SRBD1: variants seen among roughly 807,000 people sequenced by gnomAD.
The protein encoded by SRBD1 is S1 RNA binding domain 1.
A neutral mutation model predicts 115.3 loss-of-function variants in SRBD1; 88 were observed. The ratio of observed to expected loss-of-function variants is 0.76; its 90% CI spans 0.64 to 0.91. SRBD1 has a LOEUF of 0.91. Among genes scored for constraint, SRBD1 ranks in the 40% least tolerant of loss-of-function variants. The probability of loss-of-function intolerance (pLI) is 0.00; values close to 1 mark genes in which losing one functional copy is unlikely to be tolerated. For missense variants in SRBD1, 1,385 were observed against 1,177.4 expected, an observed-to-expected ratio of 1.18 and a Z score of -2.58; for synonymous variants, 509 against 407.7, an observed-to-expected ratio of 1.25 and a Z score of -2.99.
intron 10 of SRBD1, among the ~76,000 whole-genome samples, chr2:45,555,848 G>C (rs997266824): frequency 6.6e-6 from 1 of 151,968 alleles, no homozygotes; most frequent in African/African-American, 2.4e-5. Flanking sequence ...AGTCTGTTAC[G>C]GCACAGTGGG....
chr2:45,432,223 T>G (rs1362538316), intron 16 of SRBD1, among the ~76,000 whole-genome samples: 1 of 151,960 alleles, frequency 6.6e-6, no homozygotes, highest in Admixed American at 6.6e-5. Context: ...CAGACGTGGT[T>G]TCTCCATATT....
chr2:45,572,748 G>C (rs894445571), intron 9 of SRBD1, among the ~76,000 whole-genome samples: 1 of 151,938 alleles, frequency 6.6e-6, no homozygotes, highest in Non-Finnish European at 1.5e-5. Context: ...TATAGCCTAC[G>C]ACTACACTTA....
chr2:45,527,162 T>C (rs769091842), intron 14 of SRBD1, among the ~76,000 whole-genome samples: 1 of 151,870 alleles, frequency 6.6e-6, no homozygotes, highest in African/African-American at 2.4e-5. Context: ...TATATATACA[T>C]ACTCTCCACA....
intron 14 of SRBD1, among the ~76,000 whole-genome samples, chr2:45,509,856 T>C (rs1670913828): frequency 6.6e-6 from 1 of 152,130 alleles, no homozygotes; most frequent in East Asian, 1.9e-4. Flanking sequence ...CATCTCAGCC[T>C]CCTGAGTAGC....
intron 19 of SRBD1, among the ~76,000 whole-genome samples, chr2:45,404,108 A>C (rs1208419588): frequency 1.3e-5 from 2 of 152,164 alleles, no homozygotes; most frequent in Non-Finnish European, 2.9e-5. Flanking sequence ...AGGTTGTTCA[A>C]GGAGAAAGAT....
At chr2:45,482,030 A>G (rs1211116899) in intron 15 of SRBD1, among the ~76,000 whole-genome samples, 1 of 152,164 alleles carries the variant, frequency 6.6e-6, no homozygotes, top group Non-Finnish European at 1.5e-5. Context: ...TTATAAAACT[A>G]GACGGTGGTG....
intron 16 of SRBD1, among the ~76,000 whole-genome samples, chr2:45,425,660 G>A (rs1243508301): frequency 6.6e-6 from 1 of 151,988 alleles, no homozygotes; most frequent in East Asian, 1.9e-4. Context: ...TACAGCCCAC[G>A]GAGGGCAAGC....
At chr2:45,485,478 A>AAAAC (rs1432726823) in intron 15 of SRBD1, among the ~76,000 whole-genome samples, 1 of 152,218 alleles carries the variant, frequency 6.6e-6, no homozygotes, top group Non-Finnish European at 1.5e-5. Context: ...GAGAAGGAAT[A>AAAAC]AAACATACAC....
chr2:45,530,461 A>G (rs1028807798), intron 14 of SRBD1, among the ~76,000 whole-genome samples: 2 of 152,098 alleles, frequency 1.3e-5, no homozygotes, highest in African/African-American at 4.8e-5. Context: ...TCAAAAGTCA[A>G]TCAAAGGACT....
At chr2:45,481,372 G>C (rs79668138) in intron 15 of SRBD1, among the ~76,000 whole-genome samples, 1 of 151,946 alleles carries the variant, frequency 6.6e-6, no homozygotes, top group African/African-American at 2.4e-5. Flanking sequence ...AAAGATTCTT[G>C]AAAGTAAGAG....
intron 1 of SRBD1, among the ~76,000 whole-genome samples, chr2:45,608,807 A>G (rs1674352194): frequency 6.6e-6 from 1 of 151,066 alleles, no homozygotes; most frequent in South Asian, 2.1e-4. Context: ...CTAAGCCAGA[A>G]CCTTGAAAAA....
chr2:45,558,459 G>C (rs547398803), intron 10 of SRBD1, among the ~76,000 whole-genome samples: 2 of 152,186 alleles, frequency 1.3e-5, no homozygotes, highest in Admixed American at 6.5e-5. Context: ...TCTTGTACTA[G>C]TAACATACAA....
At chr2:45,578,808 A>T (rs1453213557) in intron 7 of SRBD1, among the ~76,000 whole-genome samples, 1 of 152,174 alleles carries the variant, frequency 6.6e-6, no homozygotes, top group Non-Finnish European at 1.5e-5. Flanking sequence ...ATAATATCGT[A>T]ATGTATACTG....
intron 14 of SRBD1, among the ~76,000 whole-genome samples, chr2:45,533,184 T>C (rs867265876): frequency 1.3e-5 from 2 of 151,956 alleles, no homozygotes; most frequent in African/African-American, 2.4e-5. Context: ...GTGGTAGCAA[T>C]TGATATATCC....
At chr2:45,601,441 T>G (rs1448011907) in intron 3 of SRBD1, among the ~76,000 whole-genome samples, 1 of 152,248 alleles carries the variant, frequency 6.6e-6, no homozygotes, top group African/African-American at 2.4e-5. Context: ...CCAAGAGAGA[T>G]ATATCTGTTC....
intron 16 of SRBD1, among the ~76,000 whole-genome samples, chr2:45,458,844 T>C (rs899431740): frequency 1.3e-5 from 2 of 152,186 alleles, no homozygotes; most frequent in African/African-American, 4.8e-5. Context: ...TTCAGTAGAA[T>C]GACTACAGGG....
At chr2:45,582,754 G>C (rs1210852831) in intron 5 of SRBD1, among the ~76,000 whole-genome samples, 1 of 152,006 alleles carries the variant, frequency 6.6e-6, no homozygotes, top group Admixed American at 6.6e-5. Flanking sequence ...TGATATTTCA[G>C]GCTTATCTTC....
chr2:45,513,488 CT>C (rs1671032072), intron 14 of SRBD1, among the ~76,000 whole-genome samples: 1 of 151,300 alleles, frequency 6.6e-6, no homozygotes, highest in African/African-American at 2.4e-5. Context: ...GACAAATTCT[CT>C]TCATGCTGAA....
chr2:45,421,289 C>T (rs1418058035), intron 16 of SRBD1, among the ~76,000 whole-genome samples: 1 of 151,838 alleles, frequency 6.6e-6, no homozygotes, highest in African/African-American at 2.4e-5. Flanking sequence ...GGGCGGATCA[C>T]GAGCTCAGAA....
Sources: gnomAD v4.1 joint callset for allele counts (sites outside exome capture counted in the v4.1 genomes callset) on GRCh38, gnomAD v4.1.1 for gene constraint, MANE v1.5 for transcripts, NCBI Gene and HGNC (gene_info 2026-07-23, HGNC 2026-07-21) for gene names.